The following ZFYVE9 variants were observed in gnomAD, a reference collection of about 807,000 sequenced individuals.
ZFYVE9 encodes the protein zinc finger FYVE domain-containing protein 9.
In ZFYVE9, 43 loss-of-function variants were observed where a neutral mutation model predicts 126.7. The ratio of observed to expected loss-of-function variants is 0.34; its 90% CI spans 0.27 to 0.44. The LOEUF is 0.44. Among genes scored for constraint, ZFYVE9 ranks in the 20% least tolerant of loss-of-function variants. The probability of loss-of-function intolerance (pLI) is 1.00; values close to 1 mark genes in which losing one functional copy is unlikely to be tolerated. For missense variants in ZFYVE9, 1,476 were observed against 1,697.0 expected (o/e 0.87, Z 2.29); for synonymous variants, 521 against 597.4 (o/e 0.87, Z 1.87).
At chr1:52,169,816 A>G (rs1309951301) in intron 1 of ZFYVE9, among the ~76,000 whole-genome samples, 2 of 152,214 alleles carry the variant, frequency 1.3e-5, no homozygotes, top group Non-Finnish European at 2.9e-5. Flanking sequence ...AAAACTTGCT[A>G]TTATGAAGTA....
chr1:52,298,210 A>G (rs1199749763), intron 12 of ZFYVE9, among the ~76,000 whole-genome samples: 1 of 152,050 alleles, frequency 6.6e-6, no homozygotes, highest in Non-Finnish European at 1.5e-5. Context: ...GATCTTATCT[A>G]AAAATTCATT....
intron 1 of ZFYVE9, among the ~76,000 whole-genome samples, chr1:52,201,388 T>A (rs887300082): frequency 9.5e-5 from 14 of 147,410 alleles, no homozygotes; most frequent in Non-Finnish European, 1.6e-4. Flanking sequence ...TTTTTTTTTT[T>A]TTTTTTTGAG....
At chr1:52,233,081 A>T in intron 2 of ZFYVE9, 90 bp from the exon 3 acceptor site, 1 of 482,428 alleles carries the variant, frequency 2.1e-6, no homozygotes. Context: ...ATCTGGAAAG[A>T]TTTATAAGAG....
intron 2 of ZFYVE9, among the ~76,000 whole-genome samples, chr1:52,224,914 C>T (rs1352739200): frequency 1.3e-5 from 2 of 152,126 alleles, no homozygotes; most frequent in Admixed American, 1.3e-4. Context: ...TGTGAGCACC[C>T]ACTTTGTCCT....
At chr1:52,199,534 A>G (rs1030310762) in intron 1 of ZFYVE9, among the ~76,000 whole-genome samples, 3 of 152,140 alleles carry the variant, frequency 2.0e-5, no homozygotes, top group Non-Finnish European at 2.9e-5. Flanking sequence ...CTAGTGCTGA[A>G]TCTATTGTAT....
chr1:52,245,303 C>A (rs187346598), intron 4 of ZFYVE9, among the ~76,000 whole-genome samples: 77 of 150,470 alleles, frequency 5.1e-4, no homozygotes, highest in African/African-American at 1.5e-3. Flanking sequence ...GTAAAACATA[C>A]CACTCATGTT....
At chr1:52,258,778 A>C (rs781239081) in intron 4 of ZFYVE9, among the ~76,000 whole-genome samples, 2 of 151,998 alleles carry the variant, frequency 1.3e-5, no homozygotes, top group Admixed American at 6.6e-5. Context: ...GCTTTCCTCT[A>C]ATCTCATTGG....
rs189272948 is a variant in ZFYVE9 at position 52,274,892 on chromosome 1, A to T, written c.2746+308A>T. Among the ~76,000 whole-genome samples, 11 of 152,312 alleles carry T rather than the reference A, an allele frequency of 7.2e-5. No individual in the cohort carries two copies. In the East Asian group the frequency reaches 2.1e-3, roughly 29 times the overall value. ...TCTGAAGGATTGCTTGTGGTTTAGG[A>T]TGAACCCACTCTGATACAGTCATTT... On this transcript the variant is annotated intron_variant, in intron 8 of 18. Transcript: ENST00000287727.
At chr1:52,251,918 G>C (rs925272822) in intron 4 of ZFYVE9, 1 of 151,328 alleles carries the variant, frequency 6.6e-6, no homozygotes, top group Non-Finnish European at 1.5e-5. Context: ...AGTCTTGGTA[G>C]GTTTTGTGTT....
At chr1:52,344,130 A>T (rs1401637347) in intron 17 of ZFYVE9, among the ~76,000 whole-genome samples, 1 of 151,368 alleles carries the variant, frequency 6.6e-6, no homozygotes, top group Non-Finnish European at 1.5e-5. Context: ...CTTGCTCATG[A>T]CCCTTCCTCT....
At chr1:52,287,404 T>C (rs1645872374) in intron 10 of ZFYVE9, among the ~76,000 whole-genome samples, 1 of 152,154 alleles carries the variant, frequency 6.6e-6, no homozygotes, top group African/African-American at 2.4e-5. Flanking sequence ...TGAGCCACCA[T>C]GCAGTCTAAT....
At chr1:52,262,249 C>T (rs967914308) in intron 4 of ZFYVE9, among the ~76,000 whole-genome samples, 4 of 152,116 alleles carry the variant, frequency 2.6e-5, no homozygotes, top group Non-Finnish European at 4.4e-5. Context: ...TCCCATATGC[C>T]CCACTACCTA....
rs550702780 is a variant in ZFYVE9, at chr1:52,231,226, A to G, written c.-36-1945A>G. On this transcript the variant is annotated intron_variant, in intron 2 of 18. Coordinates refer to ENST00000287727, the MANE Select transcript of ZFYVE9 (RefSeq NM_004799.4). ...CAAAGATAGATATTTAAAAAAATTC[A>G]TAGATTATGGGCTGGGTGTGGTGGC... Among the ~76,000 whole-genome samples the G allele has an allele frequency of 1.1e-3, 170 of 152,280 alleles. 1 individual carries two copies. The highest frequency in any genetic ancestry group is 1.0e-3 in the Non-Finnish European group (69 of 68,016).
intron 13 of ZFYVE9, among the ~76,000 whole-genome samples, chr1:52,322,710 C>A (rs891853914): frequency 1.3e-5 from 2 of 151,852 alleles, no homozygotes; most frequent in Non-Finnish European, 2.9e-5. Flanking sequence ...TCATATCACT[C>A]CTCTGCTTAA....
intron 13 of ZFYVE9, among the ~76,000 whole-genome samples, chr1:52,312,620 C>T (rs1463454124): frequency 1.3e-5 from 2 of 152,122 alleles, no homozygotes; most frequent in African/African-American, 2.4e-5. Context: ...AAGTCTTATT[C>T]CTGACAGCAA....
Position 52,315,283 on chromosome 1 carries a change from C to G in ZFYVE9, c.3438+11358C>G, listed in dbSNP as rs116918320. On this transcript the variant is annotated intron_variant, in intron 13 of 18. Transcript: ENST00000287727. ...TCTTTACAAAAAATACAAAAATTAG[C>G]TGGGTATGGTGGCACATACCAGTAT... Among the ~76,000 whole-genome samples the G allele has an allele frequency of 9.3e-3, 1,408 of 152,150 alleles. 64 individuals carry two copies. In the East Asian group the frequency reaches 0.12, roughly 13 times the overall value.
chr1:52,220,144 T>C (rs1040355600), intron 2 of ZFYVE9, among the ~76,000 whole-genome samples: 1 of 152,188 alleles, frequency 6.6e-6, no homozygotes, highest in Non-Finnish European at 1.5e-5. Context: ...TTGTCCATGG[T>C]AACTGGATTT....
intron 1 of ZFYVE9, among the ~76,000 whole-genome samples, chr1:52,183,854 CTTTCT>C (rs1198563731): frequency 3.7e-5 from 3 of 80,024 alleles, no homozygotes; most frequent in South Asian, 5.6e-4. Context: ...TCTTTTCTAT[CTTTCT>C]TTTTTTTTTT....
At chr1:52,283,329 A>G (rs780839907) in intron 10 of ZFYVE9, among the ~76,000 whole-genome samples, 5 of 152,216 alleles carry the variant, frequency 3.3e-5, no homozygotes, top group Non-Finnish European at 1.5e-5. Context: ...TTAGGAGCCC[A>G]TGCTTTATTC....
Sources: allele counts gnomAD v4.1 joint callset (sites outside exome capture counted in the v4.1 genomes callset), GRCh38; gene constraint gnomAD v4.1.1; transcripts MANE v1.5; gene names NCBI Gene and HGNC (gene_info 2026-07-23, HGNC 2026-07-21).